The following PAXIP1 variants were observed in gnomAD, a reference collection of about 807,000 sequenced individuals.
PAXIP1 encodes PAX interacting protein 1.
A neutral mutation model predicts 140.6 loss-of-function variants in PAXIP1; 19 were observed. That is an observed-to-expected ratio of 0.14 (90% CI 0.09 to 0.20). The LOEUF is 0.20. Ranked by LOEUF, PAXIP1 falls within the 10% of genes least tolerant of loss-of-function variation. The probability of loss-of-function intolerance (pLI) is 1.00; values close to 1 mark genes in which losing one functional copy is unlikely to be tolerated. For missense variants in PAXIP1, 920 were observed against 1,208.6 expected (o/e 0.76, Z 3.54); for synonymous variants, 442 against 444.6 (o/e 0.99, Z 0.07).
intron 6 of PAXIP1, among the ~76,000 whole-genome samples, chr7:154,969,787 A>T (rs1406092166): frequency 6.6e-6 from 1 of 152,218 alleles, no homozygotes; most frequent in Non-Finnish European, 1.5e-5. Flanking sequence ...ATGGAAAAGG[A>T]GGCCAGCTAA....
intron 5 of PAXIP1, among the ~76,000 whole-genome samples, 198 bp downstream of exon 5, chr7:154,983,021 A>C (rs1461642761): frequency 6.6e-6 from 1 of 152,240 alleles, no homozygotes; most frequent in Non-Finnish European, 1.5e-5. Context: ...TAGTATTTAG[A>C]AGTTATATTT....
In PAXIP1 at chr7:154,986,206, T is replaced by C. The variant is rs772651036; in HGVS notation, c.325-2874A>G. On this transcript the variant is annotated intron_variant, in intron 4 of 20. Coordinates refer to ENST00000404141, the MANE Select transcript of PAXIP1 (RefSeq NM_007349.4). The surrounding 1 kb of genome is among the most constrained non-coding windows in gnomAD (Gnocchi z 4.8). ...TGACGGGGAAAAGACAGAAGGTCACTGAGAACCACCAAGAAACAGTCCTTT... is the reference window on the plus strand; with the variant it reads ...TGACGGGGAAAAGACAGAAGGTCACCGAGAACCACCAAGAAACAGTCCTTT... 5.9e-6 allele frequency: 8 copies of C among 1,345,572 alleles called. No homozygotes were observed. The highest frequency in any genetic ancestry group is 2.0e-5 in the Admixed American group (1 of 49,572). The allele number at this position is 1,345,572 out of a possible 1,614,324, so 83.4% of individuals were successfully genotyped here. A position where few individuals can be genotyped will look rare whatever the true frequency, so the allele number is the denominator to read the frequency against.
chr7:154,998,411 G>A lies in PAXIP1; in HGVS notation c.216+239C>T, dbSNP rs538927557. On this transcript the variant is annotated intron_variant, in intron 2 of 20. Transcript: ENST00000404141. ...TAATCCCAGCTACTCAGGAGGCTGA[G>A]GCATGAGAATCACTTGAACCCGGGA... is the stretch of plus-strand genomic sequence containing the variant. 5.8e-4 allele frequency among the ~76,000 whole-genome samples: 89 copies of A among 152,294 alleles called. 1 individual carries two copies. The Middle Eastern group carries it at 0.014, about 23-fold the overall frequency.
intron 2 of PAXIP1, among the ~76,000 whole-genome samples, chr7:154,996,916 G>T (rs1354003815): frequency 6.6e-6 from 1 of 152,118 alleles, no homozygotes; most frequent in African/African-American, 2.4e-5. Flanking sequence ...TAGGCCCCAA[G>T]GATGTGTTAG....
intron 13 of PAXIP1, among the ~76,000 whole-genome samples, chr7:154,958,082 T>C (rs1808606616): frequency 1.3e-5 from 2 of 151,488 alleles, no homozygotes; most frequent in Admixed American, 1.3e-4. Flanking sequence ...TCACAAAAGA[T>C]GTTACATGAC....
intron 5 of PAXIP1, among the ~76,000 whole-genome samples, chr7:154,979,643 A>ATAT (rs1554510448): frequency 0.024 from 3,576 of 149,788 alleles, 140 homozygotes; most frequent in African/African-American, 0.082. Context: ...GAACATAATT[A>ATAT]TATTATGTTA....
At chr7:154,977,019 G>A (rs4960655) in intron 5 of PAXIP1, among the ~76,000 whole-genome samples, 81,941 of 152,082 alleles carry the variant, frequency 0.54, 22,969 homozygotes, top group Admixed American at 0.64. Flanking sequence ...AAGCTGGAGG[G>A]CAGGAGGAAA....
intron 6 of PAXIP1, 34 bp from the exon 7 acceptor site, chr7:154,969,160 C>T (rs1809178646): frequency 9.0e-6 from 13 of 1,442,520 alleles, no homozygotes; most frequent in Non-Finnish European, 1.2e-5. Context: ...ACATTATCAA[C>T]AGTTCCTGAA....
At chr7:154,992,574 G>A (rs1810391078) in intron 3 of PAXIP1, among the ~76,000 whole-genome samples, 2 of 149,782 alleles carry the variant, frequency 1.3e-5, no homozygotes, top group South Asian at 2.1e-4. Context: ...CAGCCTGGGC[G>A]ACAGAGCAAG....
chr7:154,990,582 G>A lies in PAXIP1; in HGVS notation c.324+424C>T, dbSNP rs200998306. On this transcript the variant is annotated intron_variant, in intron 4 of 20. Transcript: ENST00000404141. Reference sequence around the variant, plus strand: ...TGTTTGATTATAAACTGCATCAAATGTTTTGTTACACTTATTAGTAATTCC... The same window carrying A: ...TGTTTGATTATAAACTGCATCAAATATTTTGTTACACTTATTAGTAATTCC... Among the ~76,000 whole-genome samples, 29 of 152,216 alleles carry A rather than the reference G, an allele frequency of 1.9e-4. No homozygotes were observed. The East Asian group carries it at 4.8e-3, about 25-fold the overall frequency.
chr7:155,002,391 G>A (rs1044952120), intron 1 of PAXIP1, among the ~76,000 whole-genome samples: 14 of 152,202 alleles, frequency 9.2e-5, no homozygotes, highest in Admixed American at 3.3e-4. Context: ...CCCGCCGGCC[G>A]AGCGAGGCTG....
In PAXIP1 at chr7:154,983,328, G is replaced by A. The variant is rs753217364; in HGVS notation, c.329C>T (p.Ser110Leu). ...CCACAGGGCACTTCTGTCTTCAGAT[G>A]ACACCTGACAGAAAGTTAGAAAGAA... ...FGITACLSQV[S>L]SEDRSALWAL... is the part of the protein sequence containing the mutation. Residue 110 changes from serine to leucine, a missense_variant, in exon 5 of 21, where the codon TCA becomes TTA. Around this residue, in one of 5 missense-constraint regions of PAXIP1, gnomAD observed 419 missense variants for 514.7 expected, o/e 0.81. Transcript: ENST00000404141. 6.5e-7 allele frequency: 1 copy of A among 1,537,226 alleles called. No homozygotes were observed. The highest frequency in any genetic ancestry group is 9.0e-7 in the Non-Finnish European group (1 of 1,111,588).
At chr7:154,948,573 T>TA (rs1205958026) in intron 16 of PAXIP1, 2 of 150,498 alleles carry the variant, frequency 1.3e-5, no homozygotes, top group Non-Finnish European at 3.0e-5. Context: ...TTTTTTTTTT[T>TA]AACAACAAAA....
At position 154,959,943 on chromosome 7, in the gene PAXIP1, G is replaced by A. The variant is rs1312641308; in HGVS notation, c.2435-10C>T. On this transcript the variant is annotated splice_polypyrimidine_tract_variant and intron_variant, in intron 12 of 20. Transcript: ENST00000404141. ...GGAACTCTCCAAGCATCTAAAGAGAGAAACACATTATTTTTTATGATAGAT... is the reference window on the plus strand; with the variant it reads ...GGAACTCTCCAAGCATCTAAAGAGAAAAACACATTATTTTTTATGATAGAT... 7 of 1,584,098 alleles carry A rather than the reference G, an allele frequency of 4.4e-6. No homozygotes were observed. In the Admixed American group the frequency reaches 8.4e-5, roughly 19 times the overall value.
At chr7:154,987,223 C>A (rs919187233) in intron 4 of PAXIP1, among the ~76,000 whole-genome samples, 6 of 152,218 alleles carry the variant, frequency 3.9e-5, no homozygotes, top group African/African-American at 1.4e-4. Flanking sequence ...AGCTGATACT[C>A]CTGTATCACT....
Position 154,963,846 on chromosome 7 carries a change from T to A in PAXIP1, c.1894-80A>T. The A allele has an allele frequency of 1.2e-6, 1 of 862,148 alleles. No homozygotes were observed. Among genetic ancestry groups the A allele is most frequent in the Non-Finnish European group, 1.9e-6 (1 of 517,472 alleles). 53.4% of individuals were successfully genotyped at this position (862,148 alleles called of 1,614,324 possible). On this transcript the variant is annotated intron_variant, in intron 8 of 20. Transcript: ENST00000404141. The surrounding 1 kb of genome is among the most constrained non-coding windows in gnomAD (Gnocchi z 4.1). The stretch of plus-strand genomic sequence containing the variant: ...TTCCAATTTCAAATAAGGCAGCTAT[T>A]AAAAGACTCTATCATATATTTATAT...
intron 2 of PAXIP1, among the ~76,000 whole-genome samples, chr7:154,996,587 C>G (rs775978294): frequency 6.6e-6 from 1 of 152,170 alleles, no homozygotes; most frequent in Non-Finnish European, 1.5e-5. Flanking sequence ...TGAAATGTCA[C>G]CTCACAGCGG....
At chr7:154,998,897 T>G in intron 1 of PAXIP1, 113 bp from the exon 2 acceptor site, 1 of 874,752 alleles carries the variant, frequency 1.1e-6, no homozygotes, top group Non-Finnish European at 1.7e-6. Context: ...ACACACCATA[T>G]TCCCCACATA....
In PAXIP1 at chr7:155,003,025, C is replaced by A; in HGVS notation, c.-96G>T. 1 of 370,346 alleles carries A rather than the reference C, an allele frequency of 2.7e-6. No individual in the cohort carries two copies. The highest frequency in any genetic ancestry group is 3.7e-6 in the Non-Finnish European group (1 of 270,652). 22.9% of individuals were successfully genotyped at this position (370,346 alleles called of 1,614,324 possible). A position where few individuals can be genotyped will look rare whatever the true frequency, so the allele number is the denominator to read the frequency against. ...CGCCCGGCGCCCCCACTCGCCCCGC[C>A]AACGGCCCTGCCCGCGCAGCCCGGG... On this transcript the variant is annotated 5_prime_UTR_variant, in exon 1 of 21. Transcript: ENST00000404141.
Sources: allele counts gnomAD v4.1 joint callset (sites outside exome capture counted in the v4.1 genomes callset), GRCh38; gene constraint gnomAD v4.1.1; regional missense constraint gnomAD v4.1.1; non-coding constraint Gnocchi (gnomAD v3.1); transcripts MANE v1.5; gene names NCBI Gene and HGNC (gene_info 2026-07-23, HGNC 2026-07-21).